The following LGR6 variants were observed in gnomAD, a reference collection of about 807,000 sequenced individuals.
LGR6 encodes the protein leucine-rich repeat-containing G protein-coupled receptor 6.
In LGR6, 45 loss-of-function variants were observed where a neutral mutation model predicts 69.4. The ratio of observed to expected loss-of-function variants is 0.65; its 90% confidence interval spans 0.51 to 0.83. The LOEUF is 0.83. Ranked by LOEUF, LGR6 falls within the 40% of genes least tolerant of loss-of-function variation. The probability of loss-of-function intolerance (pLI) is 0.00; values close to 1 mark genes in which losing one functional copy is unlikely to be tolerated. For missense variants in LGR6, 1,108 were observed against 1,246.7 expected (o/e 0.89, Z 1.68); for synonymous variants, 538 against 555.0 (o/e 0.97, Z 0.43).
intron 1 of LGR6, among the ~76,000 whole-genome samples, chr1:202,219,627 A>G (rs780923907): frequency 2.0e-5 from 3 of 152,218 alleles, no homozygotes; most frequent in Non-Finnish European, 4.4e-5. Context: ...TCCCTAGAGT[A>G]AAGGCTCAGC....
intron 1 of LGR6, among the ~76,000 whole-genome samples, chr1:202,199,831 TC>T (rs1658777391): frequency 2.6e-5 from 4 of 152,222 alleles, no homozygotes; most frequent in Admixed American, 2.6e-4. Context: ...ACTAATAGTA[TC>T]TACCTCAAAG....
chr1:202,246,992 C>A (rs1662760942), intron 4 of LGR6, among the ~76,000 whole-genome samples: 1 of 152,216 alleles, frequency 6.6e-6, no homozygotes, highest in South Asian at 2.1e-4. Context: ...TGACTTTAGA[C>A]TGTGCAGAAG....
rs951279931 is a variant in LGR6 at position 202,276,445 on chromosome 1, G to A, written c.568G>A (p.Ala190Thr). The A allele has an allele frequency of 6.2e-7, 1 of 1,614,164 alleles. No individual in the cohort carries two copies. Among genetic ancestry groups the A allele is most frequent in the East Asian group, 2.2e-5 (1 of 44,880 alleles). The change falls in exon 5 of 18, where the codon GCC becomes ACC. Residue 190 changes from alanine (A) to threonine (T), a missense_variant. Transcript: ENST00000367278. ...CCTCAACAACCTCCCTGCCCTGCAGGCCATGACCCTGGCCCTCAACCGCAT... is the reference window on the plus strand; with the variant it reads ...CCTCAACAACCTCCCTGCCCTGCAGACCATGACCCTGGCCCTCAACCGCAT... ...RALNNLPALQAMTLALNRISH... is the reference protein window; with the variant it reads ...RALNNLPALQTMTLALNRISH...
At chr1:202,201,244 A>T (rs1274769234) in intron 1 of LGR6, among the ~76,000 whole-genome samples, 1 of 152,194 alleles carries the variant, frequency 6.6e-6, no homozygotes, top group Non-Finnish European at 1.5e-5. Context: ...TCTTCCAGAA[A>T]GACACTAGCT....
chr1:202,228,626 A>G (rs1435015856), intron 3 of LGR6, among the ~76,000 whole-genome samples: 24 of 152,202 alleles, frequency 1.6e-4, no homozygotes, highest in Non-Finnish European at 5.9e-5. Flanking sequence ...TTTCAGAGAA[A>G]GGAAGGCTGA....
At chr1:202,220,826 C>T (rs983898777) in intron 1 of LGR6, among the ~76,000 whole-genome samples, 2 of 151,800 alleles carry the variant, frequency 1.3e-5, no homozygotes, top group Non-Finnish European at 2.9e-5. Flanking sequence ...TTCCTGAAAG[C>T]AGATCTTAAA....
At chr1:202,273,483 G>A (rs1023384132) in intron 4 of LGR6, among the ~76,000 whole-genome samples, 2 of 150,668 alleles carry the variant, frequency 1.3e-5, no homozygotes, top group East Asian at 1.9e-4. Flanking sequence ...TTGAGATGGA[G>A]TTTCGCTCTT....
At chr1:202,220,442 C>CAGGA (rs71564178) in intron 1 of LGR6, among the ~76,000 whole-genome samples, 58,061 of 151,362 alleles carry the variant, frequency 0.38, 12,573 homozygotes, top group East Asian at 0.7. Context: ...TGGTCTTGAA[C>CAGGA]TCCTGACCTC....
At chr1:202,227,827 A>G (rs1272741718) in intron 2 of LGR6, 109 bp from the exon 3 acceptor site, 12 of 736,486 alleles carry the variant, frequency 1.6e-5, no homozygotes, top group East Asian at 1.3e-4. Flanking sequence ...AATAAATAGT[A>G]GTTTTTACCA....
intron 10 of LGR6, among the ~76,000 whole-genome samples, chr1:202,304,179 A>G (rs1667807961): frequency 1.3e-5 from 2 of 152,128 alleles, no homozygotes; most frequent in South Asian, 2.1e-4. Context: ...ACACTTGCCC[A>G]TGGACATCCC....
intron 5 of LGR6, among the ~76,000 whole-genome samples, chr1:202,279,684 A>G (rs975283300): frequency 7.2e-5 from 11 of 152,164 alleles, no homozygotes; most frequent in African/African-American, 1.9e-4. Flanking sequence ...AGAAACATCA[A>G]TTATGTTTGT....
At position 202,318,343 on chromosome 1, in the gene LGR6, C is replaced by A. The variant is rs1175116207; in HGVS notation, c.2040C>A (p.Ser680=). 8.1e-6 allele frequency: 13 copies of A among 1,596,976 alleles called. No individual in the cohort carries two copies. The highest frequency in any genetic ancestry group is 4.5e-5 in the East Asian group (2 of 44,618). Residue 680 remains serine (S), a synonymous_variant, in exon 18 of 18, where the codon TCC becomes TCA. Transcript: ENST00000367278. ...CCTGTGTCCGGGCCTATGGGAAGTC[C>A]CCCTCCCTGGGCAGCGTTCGAGCAG... is the stretch of plus-strand genomic sequence containing the variant. The part of the protein sequence containing the change: ...SVSCVRAYGK[S]PSLGSVRAGV...
At chr1:202,265,226 T>C (rs1032262119) in intron 4 of LGR6, among the ~76,000 whole-genome samples, 2 of 152,192 alleles carry the variant, frequency 1.3e-5, no homozygotes, top group Non-Finnish European at 2.9e-5. Context: ...CTCCAGCTTC[T>C]GGTGGCTCAG....
chr1:202,301,708 T>C (rs745900387), intron 9 of LGR6, among the ~76,000 whole-genome samples: 4 of 152,050 alleles, frequency 2.6e-5, no homozygotes, highest in Non-Finnish European at 5.9e-5. Flanking sequence ...CCAGCCCAAG[T>C]CCCACTTCTT....
chr1:202,256,886 C>A (rs1433231371), intron 4 of LGR6, among the ~76,000 whole-genome samples: 1 of 152,116 alleles, frequency 6.6e-6, no homozygotes, highest in Non-Finnish European at 1.5e-5. Flanking sequence ...CTTGTTATGT[C>A]TTTTTGATTA....
rs78086354 is a variant in LGR6 at position 202,245,080 on chromosome 1, C to T, written c.428+9087C>T. Among the ~76,000 whole-genome samples, 160 of 152,332 alleles carry T rather than the reference C, an allele frequency of 1.1e-3. 2 individuals carry two copies. In the East Asian group the frequency reaches 0.028, roughly 27 times the overall value. ...CAAGCTGTGCAGGTGATCTAGTGAA[C>T]CCTGTTGGCACCACCCATCCTGCCT... On this transcript the variant is annotated intron_variant, in intron 4 of 17. Coordinates refer to ENST00000367278, the MANE Select transcript of LGR6 (RefSeq NM_001017403.2).
At chr1:202,236,382 T>G (rs1271730492) in intron 4 of LGR6, 3 of 239,328 alleles carry the variant, frequency 1.3e-5, no homozygotes, top group Non-Finnish European at 2.4e-5. Flanking sequence ...CCTAGCCTGC[T>G]CTTGCCCCTG....
At chr1:202,201,725 G>A (rs1370707732) in intron 1 of LGR6, among the ~76,000 whole-genome samples, 1 of 152,250 alleles carries the variant, frequency 6.6e-6, no homozygotes, top group Non-Finnish European at 1.5e-5. Context: ...TCTGGGGGAA[G>A]GATCAGTGGT....
chr1:202,243,074 C>T lies in LGR6; in HGVS notation c.428+7081C>T, dbSNP rs1662345267. 2.0e-5 allele frequency among the ~76,000 whole-genome samples: 3 copies of T among 152,312 alleles called. No homozygotes were observed. The South Asian group carries it at 6.2e-4, about 32-fold the overall frequency. On this transcript the variant is annotated intron_variant, in intron 4 of 17. Transcript: ENST00000367278. ...GGGTCAGAAGTCAGGCAGTCTGGCCCAGAGTCCACGCATTTAACCAGGGTG... is the reference window on the plus strand; with the variant it reads ...GGGTCAGAAGTCAGGCAGTCTGGCCTAGAGTCCACGCATTTAACCAGGGTG...
Sources: allele counts gnomAD v4.1 joint callset (sites outside exome capture counted in the v4.1 genomes callset), GRCh38; gene constraint gnomAD v4.1.1; transcripts MANE v1.5; gene names NCBI Gene and HGNC (gene_info 2026-07-23, HGNC 2026-07-21).